The following NALF1 variants were observed in gnomAD, a reference collection of about 807,000 sequenced individuals.
The protein encoded by NALF1 is family with sequence similarity 155 member A.
Under a neutral mutation model 48.4 loss-of-function variants are expected in NALF1, and 3 were observed. The ratio of observed to expected loss-of-function variants is 0.06; its 90% CI spans 0.03 to 0.16. The LOEUF is 0.16. Ranked by LOEUF, NALF1 falls within the 10% of genes least tolerant of loss-of-function variation. The pLI is 1.00. For missense variants in NALF1, 526 were observed against 571.5 expected, an observed-to-expected ratio of 0.92 and a Z score of 0.81; for synonymous variants, 262 against 245.7, an observed-to-expected ratio of 1.07 and a Z score of -0.62.
chr13:107,517,053 T>C (rs1876077780), intron 1 of NALF1, among the ~76,000 whole-genome samples: 1 of 152,176 alleles, frequency 6.6e-6, no homozygotes, highest in Non-Finnish European at 1.5e-5. Context: ...GTCCTTACTA[T>C]TTGTATATTC....
chr13:107,212,541 G>C lies in NALF1; in HGVS notation c.916-1786C>G, dbSNP rs1187652551. ...CTCAGGGGGACAGGTGAAGGTGGAG[G>C]TGGTGCCGGCAGCAAGAGGCTGGAA... On this transcript the variant is annotated intron_variant, in intron 1 of 2. Transcript: ENST00000375915. Among the ~76,000 whole-genome samples the C allele has an allele frequency of 3.9e-5, 6 of 152,226 alleles. No individual in the cohort carries two copies. In the South Asian group the frequency reaches 6.2e-4, roughly 16 times the overall value.
intron 1 of NALF1, among the ~76,000 whole-genome samples, chr13:107,342,390 A>T (rs1045714979): frequency 1.3e-5 from 2 of 152,210 alleles, no homozygotes; most frequent in Admixed American, 1.3e-4. Context: ...CTTTTGCATT[A>T]AAATGTTACA....
In NALF1 at chr13:107,568,762, G is replaced by A. The variant is rs550660786; in HGVS notation, c.915+296920C>T. ...ATATCCTATTTAGTGAAATGTCTGTGCATGTTTTTTGAGTATTTTTAACTG... is the reference window on the plus strand; with the variant it reads ...ATATCCTATTTAGTGAAATGTCTGTACATGTTTTTTGAGTATTTTTAACTG... On this transcript the variant is annotated intron_variant, in intron 1 of 2. Coordinates refer to ENST00000375915, the MANE Select transcript of NALF1 (RefSeq NM_001080396.3). Among the ~76,000 whole-genome samples, 29 of 152,216 alleles carry A rather than the reference G, an allele frequency of 1.9e-4. No homozygotes were observed. In the East Asian group the frequency reaches 5.4e-3, roughly 28 times the overall value.
intron 1 of NALF1, among the ~76,000 whole-genome samples, chr13:107,286,002 C>T (rs1163613901): frequency 2.6e-5 from 4 of 152,090 alleles, no homozygotes; most frequent in South Asian, 4.1e-4. Context: ...TGAAGAAATA[C>T]TGGACAAAAA....
intron 1 of NALF1, among the ~76,000 whole-genome samples, chr13:107,799,959 A>G (rs1477605179): frequency 1.3e-5 from 2 of 152,156 alleles, no homozygotes; most frequent in African/African-American, 4.8e-5. Context: ...GAAAGCTGGA[A>G]AAAGAAAAAA....
intron 1 of NALF1, among the ~76,000 whole-genome samples, chr13:107,554,897 A>G (rs1040903836): frequency 6.6e-6 from 1 of 152,110 alleles, no homozygotes; most frequent in Non-Finnish European, 1.5e-5. Flanking sequence ...GTACGGAAGG[A>G]GGAGTGTAGA....
chr13:107,339,059 G>A (rs1311115191), intron 1 of NALF1, among the ~76,000 whole-genome samples: 3 of 150,952 alleles, frequency 2.0e-5, no homozygotes, highest in South Asian at 2.1e-4. Flanking sequence ...GCGTGAACTC[G>A]GGAGGTGGAG....
chr13:107,306,739 G>A, intron 1 of NALF1, among the ~76,000 whole-genome samples: 1 of 152,174 alleles, frequency 6.6e-6, no homozygotes, highest in East Asian at 1.9e-4. Flanking sequence ...TGAGGGAAGT[G>A]GATCGCTTGA....
chr13:107,685,965 C>G (rs1881423636), intron 1 of NALF1, among the ~76,000 whole-genome samples: 2 of 152,160 alleles, frequency 1.3e-5, no homozygotes, highest in Non-Finnish European at 2.9e-5. Context: ...ATATAACAAA[C>G]AGATAAGCTA....
chr13:107,348,660 T>A (rs750606099), intron 1 of NALF1, among the ~76,000 whole-genome samples: 26 of 152,078 alleles, frequency 1.7e-4, no homozygotes, highest in Non-Finnish European at 2.8e-4. Flanking sequence ...GTTCTCATTG[T>A]TCAACTCCCA....
At chr13:107,462,218 A>C (rs1884930306) in intron 1 of NALF1, among the ~76,000 whole-genome samples, 1 of 152,164 alleles carries the variant, frequency 6.6e-6, no homozygotes, top group Non-Finnish European at 1.5e-5. Context: ...CCTTCAAAAA[A>C]CTTTCTGATA....
intron 1 of NALF1, among the ~76,000 whole-genome samples, chr13:107,391,581 C>A (rs1005535031): frequency 3.9e-5 from 6 of 152,108 alleles, no homozygotes; most frequent in African/African-American, 9.7e-5. Flanking sequence ...GAAACACTTA[C>A]AACCCTCTCT....
At chr13:107,490,368 A>G (rs1259862524) in intron 1 of NALF1, among the ~76,000 whole-genome samples, 2 of 152,194 alleles carry the variant, frequency 1.3e-5, no homozygotes, top group Non-Finnish European at 2.9e-5. Flanking sequence ...TATACCATGG[A>G]ATACTATGCA....
At chr13:107,800,562 T>C (rs1479827337) in intron 1 of NALF1, among the ~76,000 whole-genome samples, 1 of 148,084 alleles carries the variant, frequency 6.8e-6, no homozygotes, top group East Asian at 2.0e-4. Context: ...ATAAGTATAG[T>C]TTACTGTATT....
At chr13:107,756,435 C>CTCTATATATATATATATA (rs1555323652) in intron 1 of NALF1, among the ~76,000 whole-genome samples, 1 of 141,056 alleles carries the variant, frequency 7.1e-6, no homozygotes, top group South Asian at 2.2e-4. Context: ...AGTTTAATGG[C>CTCTATATATATATATATA]TATATATATA....
chr13:107,633,161 T>C (rs1281077232), intron 1 of NALF1, among the ~76,000 whole-genome samples: 1 of 152,138 alleles, frequency 6.6e-6, no homozygotes, highest in East Asian at 1.9e-4. Context: ...CATGCTTTTA[T>C]ATTTTCATAT....
intron 1 of NALF1, among the ~76,000 whole-genome samples, chr13:107,232,946 C>T (rs1381940006): frequency 6.6e-6 from 1 of 152,166 alleles, no homozygotes; most frequent in Non-Finnish European, 1.5e-5. Flanking sequence ...GAAGCCAAAA[C>T]ACTTGCCTAT....
At chr13:107,710,867 GTATATATACACA>G (rs2138519111) in intron 1 of NALF1, among the ~76,000 whole-genome samples, 2 of 148,966 alleles carry the variant, frequency 1.3e-5, no homozygotes, top group African/African-American at 5.0e-5. Flanking sequence ...ATGTGTATAT[GTATATATACACA>G]TATATACACA....
At chr13:107,604,833 T>C (rs925516110) in intron 1 of NALF1, among the ~76,000 whole-genome samples, 1 of 152,134 alleles carries the variant, frequency 6.6e-6, no homozygotes, top group Non-Finnish European at 1.5e-5. Context: ...GGAACAGACA[T>C]CAGCAAGTCC....
Sources: allele counts gnomAD v4.1 joint callset (sites outside exome capture counted in the v4.1 genomes callset), GRCh38; gene constraint gnomAD v4.1.1; transcripts MANE v1.5; gene names NCBI Gene and HGNC (gene_info 2026-07-23, HGNC 2026-07-21).